Variants in RARB observed in about 807,000 individuals in gnomAD.
RARB encodes retinoic acid receptor beta.
In RARB, 17 loss-of-function variants were observed where a neutral mutation model predicts 51.9. That is an observed-to-expected ratio of 0.33 (90% CI 0.22 to 0.49). RARB has a LOEUF of 0.49. RARB is among the 20% of genes least tolerant of loss of function. RARB has a pLI of 0.99. For synonymous variants in RARB, 215 were observed against 195.4 expected, an observed-to-expected ratio of 1.10 and a Z score of -0.84; for missense variants, 369 against 550.8, an observed-to-expected ratio of 0.67 and a Z score of 3.30.
intron 2 of RARB, among the ~76,000 whole-genome samples, chr3:24,883,516 T>C (rs961475402): frequency 2.6e-5 from 4 of 152,164 alleles, no homozygotes; most frequent in African/African-American, 9.7e-5. Flanking sequence ...CACTACTGTT[T>C]TGACATTCTA....
chr3:25,418,124 G>A (rs1390863964), intron 5 of RARB, among the ~76,000 whole-genome samples: 1 of 152,180 alleles, frequency 6.6e-6, no homozygotes, highest in African/African-American at 2.4e-5. Flanking sequence ...ATGAGAACAT[G>A]GCCACACCTA....
chr3:25,150,541 A>ATC (rs144856404), intron 4 of RARB, among the ~76,000 whole-genome samples: 12,867 of 152,252 alleles, frequency 0.085, 708 homozygotes, highest in Non-Finnish European at 0.13. Context: ...TTCTACCTTG[A>ATC]TCTGTGGTAA....
intron 5 of RARB, among the ~76,000 whole-genome samples, chr3:25,387,999 T>C (rs2125484909): frequency 6.6e-6 from 1 of 152,278 alleles, no homozygotes; most frequent in South Asian, 2.1e-4. Context: ...TCATTGATTT[T>C]TGGATTCGGT....
chr3:24,952,688 T>C (rs1430218995), intron 2 of RARB, among the ~76,000 whole-genome samples: 3 of 152,178 alleles, frequency 2.0e-5, no homozygotes, highest in Admixed American at 2.0e-4. Context: ...TGCTGCTTTG[T>C]GTACCTGCTT....
intron 4 of RARB, among the ~76,000 whole-genome samples, chr3:25,170,882 C>T (rs1700632705): frequency 1.3e-5 from 2 of 152,226 alleles, no homozygotes; most frequent in South Asian, 2.1e-4. Flanking sequence ...ATTACCAAGA[C>T]CCTACCACTA....
At chr3:25,318,934 C>T (rs1292151429) in intron 5 of RARB, among the ~76,000 whole-genome samples, 2 of 152,176 alleles carry the variant, frequency 1.3e-5, no homozygotes, top group Admixed American at 6.5e-5. Flanking sequence ...TAGTGCCCAG[C>T]ATAGATAGTA....
intron 4 of RARB, among the ~76,000 whole-genome samples, chr3:25,578,201 G>A (rs898575684): frequency 7.2e-5 from 11 of 152,190 alleles, no homozygotes; most frequent in Admixed American, 3.3e-4. Context: ...TCCATTTGCC[G>A]CAGCTGGAAG....
chr3:25,131,083 T>C (rs1208978810), intron 3 of RARB, among the ~76,000 whole-genome samples: 1 of 151,960 alleles, frequency 6.6e-6, no homozygotes, highest in Non-Finnish European at 1.5e-5. Context: ...TCTCTGTTTA[T>C]GTGGAATCAA....
intron 5 of RARB, among the ~76,000 whole-genome samples, chr3:25,410,105 T>C (rs1707519412): frequency 6.6e-6 from 1 of 152,242 alleles, no homozygotes; most frequent in South Asian, 2.1e-4. Context: ...TGAGATTTTG[T>C]ACTTTGGCCA....
chr3:25,143,536 G>C (rs760474623), intron 4 of RARB, among the ~76,000 whole-genome samples: 8 of 152,120 alleles, frequency 5.3e-5, no homozygotes, highest in Admixed American at 2.0e-4. Context: ...GTTAGAGTTG[G>C]TTACCTGGTA....
chr3:24,945,520 A>G (rs1695754895), intron 2 of RARB, among the ~76,000 whole-genome samples: 2 of 152,244 alleles, frequency 1.3e-5, no homozygotes, highest in Non-Finnish European at 2.9e-5. Flanking sequence ...ACAAGAATTC[A>G]TGAAGCAGCT....
chr3:24,844,907 A>G (rs1702467645), intron 1 of RARB, among the ~76,000 whole-genome samples: 1 of 152,056 alleles, frequency 6.6e-6, no homozygotes. Flanking sequence ...TCACTTTCCA[A>G]GTCTGCTTTG....
Position 25,569,794 on chromosome 3 carries a change from C to G in RARB, c.485C>G (p.Thr162Ser). 6.2e-7 allele frequency: 1 copy of G among 1,614,170 alleles called. No individual in the cohort carries two copies. The highest frequency in any genetic ancestry group is 8.5e-7 in the Non-Finnish European group (1 of 1,180,024). ...GACAGGAACAAGAAAAAGAAGGAGA[C>G]TTCGAAGCAAGAATGCACAGAGAGC... ...RNDRNKKKKE[T>S]SKQECTESYE... The change falls in exon 4 of 8, where the codon ACT becomes AGT. Residue 162 changes from threonine (T) to serine (S), a missense_variant. This residue lies in a region of RARB where 46 missense variants were observed against 43.2 expected (regional missense o/e 1.07). Coordinates refer to ENST00000330688, the MANE Select transcript of RARB (RefSeq NM_000965.5).
At chr3:25,262,793 G>T (rs73821769) in intron 5 of RARB, among the ~76,000 whole-genome samples, 1 of 152,116 alleles carries the variant, frequency 6.6e-6, no homozygotes. Context: ...ATAGTTTTTA[G>T]GAGGTAGGAC....
intron 2 of RARB, among the ~76,000 whole-genome samples, chr3:24,899,302 T>C (rs924761467): frequency 2.6e-5 from 4 of 152,112 alleles, no homozygotes; most frequent in African/African-American, 9.7e-5. Flanking sequence ...AAAGAATAAG[T>C]GCTCCAGGTG....
At chr3:24,894,788 T>C (rs560580151) in intron 2 of RARB, among the ~76,000 whole-genome samples, 19 of 152,222 alleles carry the variant, frequency 1.2e-4, no homozygotes, top group African/African-American at 3.9e-4. Flanking sequence ...TGTTTAGGGG[T>C]CAGAGAAACA....
chr3:24,875,478 T>A (rs1703025603), intron 2 of RARB, among the ~76,000 whole-genome samples: 1 of 152,162 alleles, frequency 6.6e-6, no homozygotes, highest in Non-Finnish European at 1.5e-5. Context: ...TTACAGCACT[T>A]ACCCATAGGT....
chr3:25,073,844 A>G (rs1305997955), intron 3 of RARB, among the ~76,000 whole-genome samples: 1 of 147,192 alleles, frequency 6.8e-6, no homozygotes, highest in South Asian at 2.1e-4. Context: ...TTTTTTTTTT[A>G]TCAACTATCT....
Position 25,175,437 on chromosome 3 carries a change from T to C in RARB, c.178+862T>C, listed in dbSNP as rs552095427. On this transcript the variant is annotated intron_variant, in intron 5 of 11. Transcript: ENST00000383772. ...ACTCTTCCTGGTGATTGTTTTGCATTTTGCTTCTCTTCAAGGACTTCCCCC... is the reference window on the plus strand; with the variant it reads ...ACTCTTCCTGGTGATTGTTTTGCATCTTGCTTCTCTTCAAGGACTTCCCCC... 4.5e-4 allele frequency among the ~76,000 whole-genome samples: 68 copies of C among 152,316 alleles called. No homozygotes were observed. The South Asian group carries it at 0.014, about 30-fold the overall frequency.
Sources: gnomAD v4.1 joint callset for allele counts (sites outside exome capture counted in the v4.1 genomes callset) on GRCh38, gnomAD v4.1.1 for gene constraint, gnomAD v4.1.1 regional missense constraint, MANE v1.5 for transcripts, NCBI Gene and HGNC (gene_info 2026-07-23, HGNC 2026-07-21) for gene names.